The following DNAJC21 variants were observed in gnomAD, a reference collection of about 807,000 sequenced individuals.
DNAJC21 encodes the protein dnaJ homolog subfamily C member 21.
Under a neutral mutation model 72.4 loss-of-function variants are expected in DNAJC21, and 63 were observed. The ratio of observed to expected loss-of-function variants is 0.87; its 90% CI spans 0.71 to 1.07. The LOEUF is 1.07. Ranked by LOEUF, DNAJC21 falls within the 50% of genes least tolerant of loss-of-function variation. The pLI, the probability that DNAJC21 is intolerant of heterozygous loss-of-function variation, is 0.00. For missense variants in DNAJC21, 634 were observed against 644.8 expected (o/e 0.98, Z 0.18); for synonymous variants, 203 against 216.7 (o/e 0.94, Z 0.56).
chr5:34,943,267 G>A (rs564840459), intron 7 of DNAJC21, among the ~76,000 whole-genome samples: 1 of 152,286 alleles, frequency 6.6e-6, no homozygotes, highest in East Asian at 1.9e-4. Context: ...AACAGCTTGT[G>A]TTGTCTTTTA....
At chr5:34,949,414 C>T in intron 9 of DNAJC21, 1 of 1,430,434 alleles carries the variant, frequency 7.0e-7, no homozygotes, top group South Asian at 1.4e-5. Flanking sequence ...TGATTACACC[C>T]CCTATCCTGT....
rs374459072 is a variant in DNAJC21, at chr5:34,935,682, C to T, written c.192-28C>T. 14 of 1,613,252 alleles carry T rather than the reference C, an allele frequency of 8.7e-6. No individual in the cohort carries two copies. The African/African-American group carries it at 1.7e-4, about 20-fold the overall frequency. ...TTTGAATTCTTACTTATTCAGCCTT[C>T]ACAATGATGCTAATTTTTGTTTTTC... On this transcript the variant is annotated intron_variant, in intron 2 of 11. Transcript: ENST00000648817.
At chr5:34,945,402 A>G (rs1765141962) in intron 8 of DNAJC21, among the ~76,000 whole-genome samples, 1 of 152,184 alleles carries the variant, frequency 6.6e-6, no homozygotes, top group Admixed American at 6.5e-5. Flanking sequence ...ATCCCAAGGA[A>G]GTTATTCTAA....
In DNAJC21 at chr5:34,954,808, G is replaced by T; in HGVS notation, c.*94G>T. On this transcript the variant is annotated 3_prime_UTR_variant, in exon 12 of 12. Coordinates refer to ENST00000648817, the MANE Select transcript of DNAJC21 (RefSeq NM_001012339.3). Reference sequence around the variant, plus strand: ...TAAAGAGTTAAAATTTCAGTGATCTGCAATTAATTACATTGTGGAAGATTA... The same window carrying T: ...TAAAGAGTTAAAATTTCAGTGATCTTCAATTAATTACATTGTGGAAGATTA... The T allele has an allele frequency of 1.6e-6, 2 of 1,255,240 alleles. No individual in the cohort carries two copies. Among genetic ancestry groups the T allele is most frequent in the South Asian group, 2.2e-5 (1 of 45,218 alleles). 77.8% of individuals were successfully genotyped at this position (1,255,240 alleles called of 1,614,324 possible).
At chr5:34,942,524 C>T (rs1293661065) in intron 7 of DNAJC21, among the ~76,000 whole-genome samples, 1 of 151,896 alleles carries the variant, frequency 6.6e-6, no homozygotes, top group African/African-American at 2.4e-5. Context: ...AAATTAGAAA[C>T]AAGCAAGAAA....
At chr5:34,932,086 ACTT>A (rs1044425486) in intron 1 of DNAJC21, among the ~76,000 whole-genome samples, 2 of 152,146 alleles carry the variant, frequency 1.3e-5, no homozygotes, top group African/African-American at 4.8e-5. Flanking sequence ...TTTTCTTGTA[ACTT>A]CTTAGAAGGG....
chr5:34,932,107 G>A (rs1350193903), intron 1 of DNAJC21, among the ~76,000 whole-genome samples: 1 of 152,130 alleles, frequency 6.6e-6, no homozygotes, highest in African/African-American at 2.4e-5. Flanking sequence ...GGGAAGTATT[G>A]AGCTGTAGCT....
chr5:34,936,401 C>G, intron 4 of DNAJC21, 135 bp downstream of exon 4: 2 of 1,056,114 alleles, frequency 1.9e-6, no homozygotes, highest in Non-Finnish European at 2.6e-6. Context: ...TCACAGCAGC[C>G]TCAAACTCCT....
At chr5:34,931,451 G>A (rs79211716) in intron 1 of DNAJC21, among the ~76,000 whole-genome samples, 4 of 152,118 alleles carry the variant, frequency 2.6e-5, no homozygotes, top group Non-Finnish European at 4.4e-5. Context: ...AAGGAAGTTC[G>A]GAATTCCTTG....
chr5:34,930,120 C>CCCCAT, intron 1 of DNAJC21: 1 of 399,242 alleles, frequency 2.5e-6, no homozygotes, highest in Non-Finnish European at 4.7e-6. Context: ...CCGGCTCACA[C>CCCCAT]CCCATCTCCT....
At chr5:34,931,516 A>G (rs1040648521) in intron 1 of DNAJC21, among the ~76,000 whole-genome samples, 8 of 152,244 alleles carry the variant, frequency 5.3e-5, no homozygotes, top group Non-Finnish European at 1.5e-5. Context: ...CCAAAAGCGT[A>G]TGTAATTTTC....
At chr5:34,950,578 A>T in intron 10 of DNAJC21, 1 of 1,137,666 alleles carries the variant, frequency 8.8e-7, no homozygotes, top group South Asian at 3.5e-5. Flanking sequence ...AATCAGAAAG[A>T]TGTCACTTTG....
chr5:34,955,745 C>G lies in DNAJC21; in HGVS notation c.*1031C>G, dbSNP rs952558634. ...CATTTTTAGGATGGATTAGTCAGTT[C>G]TTTTCATTGGTCTTGAAAGTAATTT... On this transcript the variant is annotated 3_prime_UTR_variant, in exon 12 of 12. Coordinates refer to ENST00000648817, the MANE Select transcript of DNAJC21 (RefSeq NM_001012339.3). The G allele has an allele frequency of 6.6e-5, 10 of 151,998 alleles. No homozygotes were observed. The highest frequency in any genetic ancestry group is 2.4e-4 in the African/African-American group (10 of 41,370). The allele number at this position is 151,998 out of a possible 1,614,324, so 9.4% of individuals were successfully genotyped here. A position where few individuals can be genotyped will look rare whatever the true frequency, so the allele number is the denominator to read the frequency against.
At position 34,941,560 on chromosome 5, in the gene DNAJC21, C is replaced by CTTTTTTTTTTTT. The variant is rs765889955; in HGVS notation, c.983+389_983+400dup. ...TTTAGTATCTCTGAACTTGTGTTTTCTTTTTTTTTTTTTTTTTTTTTTTGG... is the reference window on the plus strand; with the variant it reads ...TTTAGTATCTCTGAACTTGTGTTTTCTTTTTTTTTTTTTTTTTTTTTTTTTTTTTTTTTTTGG... On this transcript the variant is annotated intron_variant, in intron 7 of 11. Transcript: ENST00000648817. Among the ~76,000 whole-genome samples, 9 of 76,102 alleles carry CTTTTTTTTTTTT rather than the reference C, an allele frequency of 1.2e-4. 1 individual carries two copies. Among genetic ancestry groups the CTTTTTTTTTTTT allele is most frequent in the Non-Finnish European group, 1.7e-4 (7 of 42,014 alleles). 49.9% of individuals were successfully genotyped at this position (76,102 alleles called of 152,430 possible). A position where few individuals can be genotyped will look rare whatever the true frequency, so the allele number is the denominator to read the frequency against.
Position 34,951,402 on chromosome 5 carries a change from C to T in DNAJC21, c.1358+1060C>T, listed in dbSNP as rs73080687. ...ATCTGCCTGACAACTTGAAGGCACC[C>T]AGATCATCTGACTCCATGGAGCCTG... On this transcript the variant is annotated intron_variant, in intron 10 of 11. Transcript: ENST00000648817. 1,506 of 985,442 alleles carry T rather than the reference C, an allele frequency of 1.5e-3. 20 individuals carry two copies. The African/African-American group carries it at 0.025, about 16-fold the overall frequency. The allele number at this position is 985,442 out of a possible 1,614,324, so 61.0% of individuals were successfully genotyped here. A position where few individuals can be genotyped will look rare whatever the true frequency, so the allele number is the denominator to read the frequency against.
chr5:34,950,234 C>G lies in DNAJC21; in HGVS notation c.1250C>G (p.Thr417Ser). ...GEGVKVDPED[T>S]NLNQDSAKEL... The stretch of plus-strand genomic sequence containing the variant: ...GGAGTAAAGGTTGATCCAGAAGATA[C>G]TAACTTAAATCAAGACAGTGCCAAA... Residue 417 changes from threonine (T) to serine (S), a missense_variant, in exon 10 of 12, where the codon ACT becomes AGT. Thr to Ser is a moderately conservative substitution (Grantham distance 58). Transcript: ENST00000648817. 1 of 1,613,702 alleles carries G rather than the reference C, an allele frequency of 6.2e-7. No homozygotes were observed. Among genetic ancestry groups the G allele is most frequent in the South Asian group, 1.1e-5 (1 of 91,040 alleles).
chr5:34,932,485 A>C (rs186803495), intron 1 of DNAJC21, among the ~76,000 whole-genome samples: 169 of 152,302 alleles, frequency 1.1e-3, no homozygotes, highest in African/African-American at 3.8e-3. Flanking sequence ...TACGTTCTGA[A>C]TATATTAGTT....
intron 1 of DNAJC21, among the ~76,000 whole-genome samples, chr5:34,930,850 G>A (rs889017955): frequency 5.9e-5 from 9 of 152,166 alleles, no homozygotes; most frequent in Admixed American, 3.9e-4. Flanking sequence ...CAAATGAAAA[G>A]TTAAATACAA....
At chr5:34,948,427 T>C (rs37440) in intron 9 of DNAJC21, among the ~76,000 whole-genome samples, 99,276 of 152,118 alleles carry the variant, frequency 0.65, 34,302 homozygotes, top group African/African-American at 0.9. Context: ...CAAAAACTGA[T>C]GGGGATACGT....
Sources: gnomAD v4.1 joint callset for allele counts (sites outside exome capture counted in the v4.1 genomes callset) on GRCh38, gnomAD v4.1.1 for gene constraint, MANE v1.5 for transcripts, NCBI Gene and HGNC (gene_info 2026-07-23, HGNC 2026-07-21) for gene names.